Variants in MAN1A2 observed in about 807,000 individuals in gnomAD.
The protein encoded by MAN1A2 is mannosyl-oligosaccharide 1,2-alpha-mannosidase IB.
In MAN1A2, 26 loss-of-function variants were observed where a neutral mutation model predicts 75.7. That is an observed-to-expected ratio of 0.34 (90% confidence interval 0.25 to 0.48). The LOEUF (loss-of-function observed/expected upper bound fraction) is 0.48, where lower values mean the gene tolerates loss of function less well. MAN1A2 is among the 20% of genes least tolerant of loss of function. MAN1A2 has a pLI of 0.99. For synonymous variants in MAN1A2, 247 were observed against 264.6 expected, an observed-to-expected ratio of 0.93 and a Z score of 0.65; for missense variants, 562 against 775.5, an observed-to-expected ratio of 0.72 and a Z score of 3.27.
intron 6 of MAN1A2, among the ~76,000 whole-genome samples, chr1:117,456,663 A>G (rs1226264415): frequency 6.6e-6 from 1 of 151,992 alleles, no homozygotes; most frequent in Admixed American, 6.6e-5. Flanking sequence ...TCAATTCTAA[A>G]TTTTTGCATA....
intron 12 of MAN1A2, among the ~76,000 whole-genome samples, chr1:117,516,752 T>G (rs1651723748): frequency 6.6e-6 from 1 of 152,048 alleles, no homozygotes; most frequent in Non-Finnish European, 1.5e-5. Flanking sequence ...GGAGGGGACT[T>G]GAGACAAAGC....
intron 9 of MAN1A2, among the ~76,000 whole-genome samples, chr1:117,495,811 TC>T (rs1257189299): frequency 6.6e-6 from 1 of 151,938 alleles, no homozygotes; most frequent in Non-Finnish European, 1.5e-5. Context: ...TTTTTGTGCT[TC>T]AGAGTGCTAT....
intron 5 of MAN1A2, among the ~76,000 whole-genome samples, chr1:117,434,552 A>G (rs1261153125): frequency 6.6e-6 from 1 of 152,198 alleles, no homozygotes; most frequent in Non-Finnish European, 1.5e-5. Context: ...GTTTAATTGC[A>G]GTACCGTTTG....
chr1:117,527,742 CA>C lies in MAN1A2; in HGVS notation c.*4786del, dbSNP rs1652064604. On this transcript the variant is annotated 3_prime_UTR_variant, in exon 13 of 13. Coordinates refer to ENST00000356554, the MANE Select transcript of MAN1A2 (RefSeq NM_006699.5). ...TTCTCCTGCTCATTGACCCTTGAAC[CA>C]GGATTCTGGATTGCTAGAGCTGCAG... The C allele has an allele frequency of 6.6e-6, 1 of 151,996 alleles. No individual in the cohort carries two copies. The highest frequency in any genetic ancestry group is 1.5e-5 in the Non-Finnish European group (1 of 67,940). 9.4% of individuals were successfully genotyped at this position (151,996 alleles called of 1,614,324 possible). A position where few individuals can be genotyped will look rare whatever the true frequency, so the allele number is the denominator to read the frequency against.
chr1:117,472,672 T>TTTA (rs1215317221), intron 8 of MAN1A2, among the ~76,000 whole-genome samples: 3 of 152,022 alleles, frequency 2.0e-5, no homozygotes, highest in Non-Finnish European at 4.4e-5. Flanking sequence ...ACTCAGTCTT[T>TTTA]TTATTATTAT....
chr1:117,502,202 ATGTGAC>A (rs1260662301), intron 11 of MAN1A2, among the ~76,000 whole-genome samples: 1 of 148,452 alleles, frequency 6.7e-6, no homozygotes, highest in African/African-American at 2.5e-5. Context: ...TGAAATTCAA[ATGTGAC>A]TGTATTTAAA....
In MAN1A2 at chr1:117,526,429, CAA is replaced by C. The variant is rs1229979114; in HGVS notation, c.*3473_*3474del. 5 of 151,534 alleles carry C rather than the reference CAA, an allele frequency of 3.3e-5. No homozygotes were observed. Among genetic ancestry groups the C allele is most frequent in the African/African-American group, 7.3e-5 (3 of 41,340 alleles). 9.4% of individuals were successfully genotyped at this position (151,534 alleles called of 1,614,324 possible). On this transcript the variant is annotated 3_prime_UTR_variant, in exon 13 of 13. Transcript: ENST00000356554. The stretch of plus-strand genomic sequence containing the variant: ...AAAAGGTTTATAATATATTTTAAAA[CAA>C]TGTGTTACTGTATAATACAACTATA...
intron 1 of MAN1A2, among the ~76,000 whole-genome samples, chr1:117,370,329 T>C (rs992644019): frequency 6.6e-6 from 1 of 152,194 alleles, no homozygotes; most frequent in Non-Finnish European, 1.5e-5. Context: ...TACATGTGAG[T>C]CTGGATAGAT....
At chr1:117,408,472 GGT>G (rs75129243) in intron 3 of MAN1A2, among the ~76,000 whole-genome samples, 31 of 151,092 alleles carry the variant, frequency 2.1e-4, no homozygotes, top group Non-Finnish European at 3.5e-4. Flanking sequence ...TTATTTTCCA[GGT>G]GTGTGTGTGT....
At chr1:117,437,836 A>G (rs1570744592) in intron 5 of MAN1A2, among the ~76,000 whole-genome samples, 1 of 152,218 alleles carries the variant, frequency 6.6e-6, no homozygotes, top group Admixed American at 6.5e-5. Flanking sequence ...GTATATTAAT[A>G]TCACATATTA....
intron 4 of MAN1A2, among the ~76,000 whole-genome samples, chr1:117,416,485 C>T (rs1451247041): frequency 6.6e-6 from 1 of 152,138 alleles, no homozygotes; most frequent in Admixed American, 6.6e-5. Context: ...CTGTGCAATA[C>T]TCCCATTCAT....
intron 3 of MAN1A2, among the ~76,000 whole-genome samples, chr1:117,407,762 C>T (rs750990633): frequency 6.6e-6 from 1 of 152,006 alleles, no homozygotes; most frequent in South Asian, 2.1e-4. Flanking sequence ...CTGATTTTAC[C>T]TGAGCTTTTT....
At chr1:117,428,562 A>T (rs1361887680) in intron 5 of MAN1A2, among the ~76,000 whole-genome samples, 1 of 151,298 alleles carries the variant, frequency 6.6e-6, no homozygotes, top group Non-Finnish European at 1.5e-5. Flanking sequence ...AGTGAATGAA[A>T]TATTCTAAGT....
intron 1 of MAN1A2, among the ~76,000 whole-genome samples, chr1:117,388,693 C>G (rs964681172): frequency 6.6e-6 from 1 of 152,068 alleles, no homozygotes; most frequent in East Asian, 1.9e-4. Flanking sequence ...CCCACCTCCC[C>G]AACACTGGGG....
chr1:117,415,933 C>A (rs1051764255), intron 4 of MAN1A2, among the ~76,000 whole-genome samples: 19 of 152,080 alleles, frequency 1.2e-4, no homozygotes, highest in Admixed American at 4.6e-4. Context: ...TCAACTAACT[C>A]CAAAGGAAAG....
intron 6 of MAN1A2, among the ~76,000 whole-genome samples, chr1:117,454,152 G>T (rs1303423684): frequency 1.3e-5 from 2 of 152,180 alleles, no homozygotes; most frequent in East Asian, 3.8e-4. Context: ...AAAAGTTTGT[G>T]TGACTCATTT....
chr1:117,463,458 G>C (rs1235965342), intron 7 of MAN1A2, among the ~76,000 whole-genome samples: 5 of 151,876 alleles, frequency 3.3e-5, no homozygotes, highest in Non-Finnish European at 5.9e-5. Flanking sequence ...AAGTGATCAA[G>C]TAGAAGTACA....
intron 6 of MAN1A2, among the ~76,000 whole-genome samples, chr1:117,456,850 T>A (rs936905862): frequency 6.6e-6 from 1 of 152,030 alleles, no homozygotes; most frequent in Non-Finnish European, 1.5e-5. Flanking sequence ...TTTCATTCCA[T>A]TGAAGTATAC....
intron 8 of MAN1A2, among the ~76,000 whole-genome samples, chr1:117,469,922 G>C (rs1650094990): frequency 6.6e-6 from 1 of 152,058 alleles, no homozygotes; most frequent in Non-Finnish European, 1.5e-5. Context: ...TCCTTAAAAA[G>C]TTAAACATAG....
Sources: allele counts gnomAD v4.1 joint callset (sites outside exome capture counted in the v4.1 genomes callset), GRCh38; gene constraint gnomAD v4.1.1; transcripts MANE v1.5; gene names NCBI Gene and HGNC (gene_info 2026-07-23, HGNC 2026-07-21).